The following L3MBTL4 variants were observed in gnomAD, a reference collection of about 807,000 sequenced individuals.
L3MBTL4 encodes L3MBTL histone methyl-lysine binding protein 4, also known as lethal(3)malignant brain tumor-like protein 4.
L3MBTL4 carries 70 observed loss-of-function variants against 84.5 expected under a neutral mutation model. That is an observed-to-expected ratio of 0.83 (90% confidence interval 0.68 to 1.01). The LOEUF is 1.01. Ranked by LOEUF, L3MBTL4 falls within the 50% of genes least tolerant of loss-of-function variation. The pLI, the probability that L3MBTL4 is intolerant of heterozygous loss-of-function variation, is 0.00. For synonymous variants in L3MBTL4, 274 were observed against 259.8 expected, an observed-to-expected ratio of 1.05 and a Z score of -0.52; for missense variants, 715 against 754.8, an observed-to-expected ratio of 0.95 and a Z score of 0.62.
intron 16 of L3MBTL4, among the ~76,000 whole-genome samples, chr18:6,025,551 G>C (rs891497723): frequency 5.9e-5 from 9 of 152,108 alleles, no homozygotes; most frequent in Non-Finnish European, 1.2e-4. Context: ...CCTTTACTAT[G>C]TGTAGTTTTG....
intron 1 of L3MBTL4, among the ~76,000 whole-genome samples, chr18:6,398,933 C>A (rs1293725531): frequency 6.6e-6 from 1 of 152,150 alleles, no homozygotes; most frequent in Non-Finnish European, 1.5e-5. Flanking sequence ...CCCAAGGGAG[C>A]ACCCCAGTGT....
At chr18:6,151,436 A>G (rs1303636271) in intron 13 of L3MBTL4, among the ~76,000 whole-genome samples, 2 of 152,208 alleles carry the variant, frequency 1.3e-5, no homozygotes, top group African/African-American at 4.8e-5. Context: ...CTTGTTGCCC[A>G]GGCTGAAGTG....
chr18:5,961,952 G>A (rs539954473), intron 17 of L3MBTL4, among the ~76,000 whole-genome samples: 1 of 152,298 alleles, frequency 6.6e-6, no homozygotes, highest in Admixed American at 6.5e-5. Flanking sequence ...GACACTGAGG[G>A]TGGCCTGGCT....
chr18:6,269,444 G>A (rs1020435191), intron 4 of L3MBTL4, among the ~76,000 whole-genome samples: 3 of 152,050 alleles, frequency 2.0e-5, no homozygotes, highest in Admixed American at 6.6e-5. Flanking sequence ...GTGACGGAGC[G>A]AGACTCTGCC....
intron 1 of L3MBTL4, among the ~76,000 whole-genome samples, chr18:6,353,514 T>G (rs1239001280): frequency 6.6e-6 from 1 of 152,136 alleles, no homozygotes; most frequent in Non-Finnish European, 1.5e-5. Flanking sequence ...CTATCTTTGT[T>G]TGGAGATATG....
chr18:5,956,910 AT>A (rs11333347), intron 18 of L3MBTL4, among the ~76,000 whole-genome samples: 56,173 of 150,968 alleles, frequency 0.37, 10,599 homozygotes, highest in East Asian at 0.49. Flanking sequence ...TGATTTAGGA[AT>A]TTTTTTTTTA....
At chr18:6,061,069 A>G (rs1292276028) in intron 16 of L3MBTL4, among the ~76,000 whole-genome samples, 2 of 152,162 alleles carry the variant, frequency 1.3e-5, no homozygotes, top group East Asian at 3.8e-4. Flanking sequence ...TTACTTTCGT[A>G]AGAAACTTTG....
intron 13 of L3MBTL4, among the ~76,000 whole-genome samples, chr18:6,169,274 T>G (rs577826056): frequency 4.6e-5 from 7 of 152,282 alleles, no homozygotes; most frequent in African/African-American, 1.7e-4. Context: ...AGGGTGGCAA[T>G]TCCTCAGGGA....
At chr18:6,109,927 G>A (rs143553459) in intron 14 of L3MBTL4, among the ~76,000 whole-genome samples, 2,019 of 138,152 alleles carry the variant, frequency 0.015, 17 homozygotes, top group Middle Eastern at 0.083. Context: ...GTCAGCCCAC[G>A]TGCACTGGGG....
chr18:6,379,034 C>T (rs2054490660), intron 1 of L3MBTL4, among the ~76,000 whole-genome samples: 1 of 152,200 alleles, frequency 6.6e-6, no homozygotes, highest in African/African-American at 2.4e-5. Context: ...AGATCCTTCA[C>T]ATCCCTTGTA....
At chr18:6,238,138 A>G in intron 9 of L3MBTL4, 98 bp from the exon 10 acceptor site, 1 of 1,040,994 alleles carries the variant, frequency 9.6e-7, no homozygotes, top group African/African-American at 1.6e-5. Context: ...GATACCACAG[A>G]AAACAGTACT....
chr18:6,201,512 A>C (rs1436164745), intron 12 of L3MBTL4, among the ~76,000 whole-genome samples: 1 of 152,156 alleles, frequency 6.6e-6, no homozygotes, highest in African/African-American at 2.4e-5. Context: ...TGTAGAGAAA[A>C]ATTTGAAGGC....
intron 12 of L3MBTL4, among the ~76,000 whole-genome samples, chr18:6,202,949 T>C (rs1167735655): frequency 1.3e-5 from 2 of 152,210 alleles, no homozygotes; most frequent in African/African-American, 2.4e-5. Context: ...AGGGAATGGA[T>C]GACCTCACTT....
intron 12 of L3MBTL4, among the ~76,000 whole-genome samples, chr18:6,202,476 G>T (rs529669829): frequency 6.6e-6 from 1 of 152,164 alleles, no homozygotes; most frequent in African/African-American, 2.4e-5. Flanking sequence ...GGGTAGCGAA[G>T]ATTGAGAGGG....
At chr18:6,199,299 G>GT (rs1331072090) in intron 12 of L3MBTL4, among the ~76,000 whole-genome samples, 1 of 152,122 alleles carries the variant, frequency 6.6e-6, no homozygotes, top group Non-Finnish European at 1.5e-5. Context: ...ACCATCCAAC[G>GT]TAACAGCCAC....
chr18:6,335,955 T>C (rs2052314721), intron 1 of L3MBTL4, among the ~76,000 whole-genome samples: 1 of 152,222 alleles, frequency 6.6e-6, no homozygotes, highest in Non-Finnish European at 1.5e-5. Flanking sequence ...AAGCTGTATG[T>C]AGTCACTCCT....
At chr18:6,261,501 G>A (rs1417011790) in intron 5 of L3MBTL4, among the ~76,000 whole-genome samples, 1 of 152,146 alleles carries the variant, frequency 6.6e-6, no homozygotes, top group Non-Finnish European at 1.5e-5. Context: ...ACCCTGCCAA[G>A]GGGGCCCACT....
chr18:6,071,785 G>C (rs1355369147), intron 16 of L3MBTL4, among the ~76,000 whole-genome samples: 4 of 125,752 alleles, frequency 3.2e-5, no homozygotes, highest in Non-Finnish European at 6.8e-5. Flanking sequence ...AAGAAAGAAA[G>C]AAAGAAAGAA....
rs193230017 is a variant in L3MBTL4, at chr18:6,071,983, C to T, written c.1444+8898G>A. Among the ~76,000 whole-genome samples the T allele has an allele frequency of 4.5e-4, 69 of 151,800 alleles. No individual in the cohort carries two copies. The East Asian group carries it at 8.7e-3, about 19-fold the overall frequency. ...GACAATGATGGAGCATATAAAAGGACGGAAATAAATATAACAAACAAATAC... is the reference window on the plus strand; with the variant it reads ...GACAATGATGGAGCATATAAAAGGATGGAAATAAATATAACAAACAAATAC... On this transcript the variant is annotated intron_variant, in intron 16 of 18. Transcript: ENST00000317931.
Sources: allele counts gnomAD v4.1 joint callset (sites outside exome capture counted in the v4.1 genomes callset), GRCh38; gene constraint gnomAD v4.1.1; transcripts MANE v1.5; gene names NCBI Gene and HGNC (gene_info 2026-07-23, HGNC 2026-07-21).